Variants in DDX46 observed in about 807,000 individuals in gnomAD.
The protein encoded by DDX46 is DEAD-box helicase 46.
A neutral mutation model predicts 134.9 loss-of-function variants in DDX46; 30 were observed. The ratio of observed to expected loss-of-function variants is 0.22; its 90% CI spans 0.17 to 0.30. The LOEUF (loss-of-function observed/expected upper bound fraction) is 0.30, where lower values mean the gene tolerates loss of function less well. DDX46 is among the 10% of genes least tolerant of loss of function. The pLI is 1.00. For missense variants in DDX46, 622 were observed against 1,248.7 expected (o/e 0.50, Z 7.56); for synonymous variants, 415 against 404.1 (o/e 1.03, Z -0.32).
intron 15 of DDX46, among the ~76,000 whole-genome samples, chr5:134,802,017 G>C (rs578061550): frequency 6.6e-6 from 1 of 151,800 alleles, no homozygotes; most frequent in Non-Finnish European, 1.5e-5. Context: ...GAAATTCTTC[G>C]TTATTTCTTT....
rs1755675852 is a variant in DDX46 at position 134,829,392 on chromosome 5, CA to C, written c.*687del. 6.6e-6 allele frequency: 1 copy of C among 152,172 alleles called. No homozygotes were observed. The highest frequency in any genetic ancestry group is 2.4e-5 in the African/African-American group (1 of 41,444). The allele number at this position is 152,172 out of a possible 1,614,324, so 9.4% of individuals were successfully genotyped here. The stretch of plus-strand genomic sequence containing the variant: ...AGGTTTCCCTCACAACTTCTGGCTC[CA>C]TACCTAGCCCCTCTTTTATAATCTT... On this transcript the variant is annotated 3_prime_UTR_variant, in exon 23 of 23. Transcript: ENST00000452510.
intron 11 of DDX46, among the ~76,000 whole-genome samples, chr5:134,786,558 A>G (rs973271619): frequency 2.0e-5 from 3 of 152,154 alleles, no homozygotes; most frequent in Non-Finnish European, 2.9e-5. Context: ...TTAAAAAGTG[A>G]TGGTGGCCAG....
At chr5:134,761,883 G>T (rs754115926) in intron 1 of DDX46, among the ~76,000 whole-genome samples, 3 of 152,106 alleles carry the variant, frequency 2.0e-5, no homozygotes, top group African/African-American at 7.2e-5. Flanking sequence ...GCTGGTCTTT[G>T]CTAATCCTGC....
rs1372003772 is a variant in DDX46, at chr5:134,829,346, G to A, written c.*640G>A. 2 of 152,276 alleles carry A rather than the reference G, an allele frequency of 1.3e-5. No individual in the cohort carries two copies. The highest frequency in any genetic ancestry group is 4.8e-5 in the African/African-American group (2 of 41,566). The allele number at this position is 152,276 out of a possible 1,614,324, so 9.4% of individuals were successfully genotyped here. On this transcript the variant is annotated 3_prime_UTR_variant, in exon 23 of 23. Transcript: ENST00000452510. ...CACTGAGTGTAAAACTCTACAAAGA[G>A]TTATAGTATTTACTACTTTGAGGTT...
intron 15 of DDX46, among the ~76,000 whole-genome samples, chr5:134,801,631 G>T (rs984655139): frequency 3.3e-5 from 5 of 152,046 alleles, no homozygotes; most frequent in African/African-American, 1.2e-4. Context: ...AAACTCTTGG[G>T]TTCAAGCAGT....
chr5:134,759,498 G>T (rs1753310592), intron 1 of DDX46, among the ~76,000 whole-genome samples: 1 of 151,778 alleles, frequency 6.6e-6, no homozygotes, highest in Non-Finnish European at 1.5e-5. Flanking sequence ...TCGTATTTAA[G>T]CAGGTAACTT....
At chr5:134,780,096 ATATGTGTGTGTG>A (rs1313944958) in intron 6 of DDX46, among the ~76,000 whole-genome samples, 22 of 123,416 alleles carry the variant, frequency 1.8e-4, no homozygotes, top group African/African-American at 6.8e-4. Context: ...TGAAAAAAAT[ATATGTGTGTGTG>A]TGTGTGTGTG....
At chr5:134,825,521 G>A (rs149307551) in intron 21 of DDX46, among the ~76,000 whole-genome samples, 30 of 152,156 alleles carry the variant, frequency 2.0e-4, no homozygotes, top group South Asian at 4.1e-4. Flanking sequence ...AAATTTTCTC[G>A]TTTATTATAA....
chr5:134,817,304 A>C, intron 19 of DDX46, 192 bp from the exon 20 acceptor site: 1 of 552,546 alleles, frequency 1.8e-6, no homozygotes, highest in South Asian at 2.7e-5. Context: ...CTTATCCACT[A>C]GGAGGTACAT....
intron 5 of DDX46, among the ~76,000 whole-genome samples, chr5:134,775,858 C>G (rs1753918966): frequency 6.6e-6 from 1 of 152,078 alleles, no homozygotes; most frequent in African/African-American, 2.4e-5. Context: ...ATGCTATCTT[C>G]TGTGATTGAA....
intron 11 of DDX46, among the ~76,000 whole-genome samples, chr5:134,787,461 G>GT (rs1172599523): frequency 6.6e-6 from 1 of 152,188 alleles, no homozygotes; most frequent in African/African-American, 2.4e-5. Context: ...CTACAAAACT[G>GT]TTTCTTAGGA....
chr5:134,783,236 GT>G (rs946376088), intron 9 of DDX46, among the ~76,000 whole-genome samples, 171 bp downstream of exon 9: 2 of 150,210 alleles, frequency 1.3e-5, no homozygotes, highest in Non-Finnish European at 1.5e-5. Flanking sequence ...TATACAACTG[GT>G]TTTTTTTTGT....
chr5:134,828,255 G>C (rs990101261), intron 22 of DDX46, among the ~76,000 whole-genome samples: 14 of 152,022 alleles, frequency 9.2e-5, no homozygotes, highest in Non-Finnish European at 4.4e-5. Flanking sequence ...TTTTTGTTGG[G>C]GGGTGGGGGT....
intron 5 of DDX46, among the ~76,000 whole-genome samples, chr5:134,777,186 C>G (rs1239209695): frequency 6.6e-6 from 1 of 152,186 alleles, no homozygotes; most frequent in Non-Finnish European, 1.5e-5. Context: ...CCACTGTACT[C>G]CAGCCTGGGT....
At chr5:134,815,446 T>C (rs1441222055) in intron 18 of DDX46, among the ~76,000 whole-genome samples, 3 of 151,992 alleles carry the variant, frequency 2.0e-5, no homozygotes, top group Admixed American at 6.6e-5. Flanking sequence ...TGGTGGCTCA[T>C]GCCTGTAATC....
At chr5:134,769,083 AC>A (rs1753674849) in intron 3 of DDX46, among the ~76,000 whole-genome samples, 1 of 152,142 alleles carries the variant, frequency 6.6e-6, no homozygotes, top group Non-Finnish European at 1.5e-5. Context: ...AATCATTAGA[AC>A]ATTAGAACAT....
chr5:134,806,461 T>C (rs1194035970), intron 15 of DDX46, among the ~76,000 whole-genome samples: 1 of 152,186 alleles, frequency 6.6e-6, no homozygotes, highest in African/African-American at 2.4e-5. Context: ...GGAATCAATT[T>C]TATGTGATTA....
intron 15 of DDX46, among the ~76,000 whole-genome samples, chr5:134,798,615 A>G (rs906107992): frequency 1.3e-5 from 2 of 152,222 alleles, no homozygotes; most frequent in Non-Finnish European, 2.9e-5. Context: ...AATAGAAACT[A>G]CCATTTTAAG....
rs559015502 is a variant in DDX46, at chr5:134,783,800, C to T, written c.1167-566C>T. 2.3e-4 allele frequency among the ~76,000 whole-genome samples: 34 copies of T among 150,040 alleles called. No individual in the cohort carries two copies. The South Asian group carries it at 4.7e-3, about 21-fold the overall frequency. On this transcript the variant is annotated intron_variant, in intron 9 of 22. Transcript: ENST00000452510. ...TCTACCTCAGATGATCCACCCGCTGCGGCCTCTGAAAGTACTGGGATTACA... is the reference window on the plus strand; with the variant it reads ...TCTACCTCAGATGATCCACCCGCTGTGGCCTCTGAAAGTACTGGGATTACA...
Sources: gnomAD v4.1 joint callset for allele counts (sites outside exome capture counted in the v4.1 genomes callset) on GRCh38, gnomAD v4.1.1 for gene constraint, MANE v1.5 for transcripts, NCBI Gene and HGNC (gene_info 2026-07-23, HGNC 2026-07-21) for gene names.